The following KIF14 variants were observed in gnomAD, a reference collection of about 807,000 sequenced individuals.
The protein encoded by KIF14 is kinesin family member 14, also known as kinesin-like protein KIF14.
In KIF14, 98 loss-of-function variants were observed where a neutral mutation model predicts 176.2. The ratio of observed to expected loss-of-function variants is 0.56; its 90% CI spans 0.47 to 0.66. The LOEUF is 0.66. KIF14 is among the 30% of genes least tolerant of loss of function. The pLI, the probability that KIF14 is intolerant of heterozygous loss-of-function variation, is 0.00. For missense variants in KIF14, 1,751 were observed against 1,920.4 expected (o/e 0.91, Z 1.65); for synonymous variants, 566 against 632.2 (o/e 0.90, Z 1.57).
At chr1:200,616,457 T>G (rs1270345506) in intron 2 of KIF14, among the ~76,000 whole-genome samples, 1 of 152,168 alleles carries the variant, frequency 6.6e-6, no homozygotes, top group East Asian at 1.9e-4. Context: ...TTCTTGAGGC[T>G]CTATTAGACA....
At chr1:200,603,397 AT>A in intron 9 of KIF14, 56 bp from the exon 10 acceptor site, 1 of 807,694 alleles carries the variant, frequency 1.2e-6, no homozygotes, top group Non-Finnish European at 2.1e-6. Flanking sequence ...CAAGAAATTT[AT>A]TTCACAAAAT....
At chr1:200,614,217 G>T in intron 4 of KIF14, 101 bp downstream of exon 4, 3 of 621,030 alleles carry the variant, frequency 4.8e-6, no homozygotes, top group East Asian at 2.8e-5. Flanking sequence ...AATTAGAACT[G>T]ATCTTCCATT....
In KIF14 at chr1:200,554,637, T is replaced by C. The variant is rs369072541; in HGVS notation, c.4429-31A>G. On this transcript the variant is annotated intron_variant, in intron 28 of 29. Coordinates refer to ENST00000367350, the MANE Select transcript of KIF14 (RefSeq NM_014875.3). ...TAAATAAAGTTAATATTTAAAATAA[T>C]ACATTAACAGGCTCAATGGCAGTAA... 92 of 1,152,928 alleles carry C rather than the reference T, an allele frequency of 8.0e-5. No individual in the cohort carries two copies. The Middle Eastern group carries it at 1.2e-3, about 15-fold the overall frequency. 71.4% of individuals were successfully genotyped at this position (1,152,928 alleles called of 1,614,324 possible). A position where few individuals can be genotyped will look rare whatever the true frequency, so the allele number is the denominator to read the frequency against.
intron 27 of KIF14, among the ~76,000 whole-genome samples, chr1:200,557,364 A>G (rs898915872): frequency 6.6e-6 from 1 of 152,236 alleles, no homozygotes; most frequent in Non-Finnish European, 1.5e-5. Flanking sequence ...GTTGAGAAAA[A>G]GAGAACACGT....
chr1:200,602,952 C>T (rs1170829199), intron 10 of KIF14, among the ~76,000 whole-genome samples: 1 of 152,160 alleles, frequency 6.6e-6, no homozygotes, highest in Non-Finnish European at 1.5e-5. Context: ...AAGAATTGTA[C>T]ACTAATAATC....
chr1:200,593,819 G>A, intron 14 of KIF14, 50 bp from the exon 15 acceptor site: 1 of 1,084,634 alleles, frequency 9.2e-7, no homozygotes, highest in Non-Finnish European at 1.4e-6. Flanking sequence ...ACACTAAAAA[G>A]TAAGAAAAAG....
At chr1:200,556,062 T>A (rs1339254224) in intron 27 of KIF14, among the ~76,000 whole-genome samples, 2 of 152,246 alleles carry the variant, frequency 1.3e-5, no homozygotes, top group Non-Finnish European at 2.9e-5. Context: ...ATTATAGTCC[T>A]ATGCTGCCCA....
chr1:200,567,569 C>T (rs1297910581), intron 23 of KIF14, among the ~76,000 whole-genome samples: 1 of 149,888 alleles, frequency 6.7e-6, no homozygotes, highest in Non-Finnish European at 1.5e-5. Context: ...AACTGATTAT[C>T]TACAGTTAAT....
rs774818592 is a variant in KIF14, at chr1:200,592,151, A to G, written c.2742T>C (p.Asp914=). The part of the protein sequence containing the change: ...VQKGKRPSGR[D]TPISEGPKDF... Reference sequence around the variant, plus strand: ...CTTTTGGACCCTCACTTATAGGAGTATCTCTTCCAGATGGCCTTTTTCCTT... The same window carrying G: ...CTTTTGGACCCTCACTTATAGGAGTGTCTCTTCCAGATGGCCTTTTTCCTT... The change falls in exon 16 of 30, where the codon GAT becomes GAC. Residue 914 remains aspartate (D), a synonymous_variant. Coordinates refer to ENST00000367350, the MANE Select transcript of KIF14 (RefSeq NM_014875.3). The G allele has an allele frequency of 1.1e-5, 17 of 1,613,874 alleles. No individual in the cohort carries two copies. In the South Asian group the frequency reaches 1.8e-4, roughly 17 times the overall value.
rs771991566 is a variant in KIF14 at position 200,598,296 on chromosome 1, A to G, written c.2490T>C (p.Tyr830=). 2 of 1,613,554 alleles carry G rather than the reference A, an allele frequency of 1.2e-6. No homozygotes were observed. Among genetic ancestry groups the G allele is most frequent in the Non-Finnish European group, 1.7e-6 (2 of 1,179,768 alleles). The change falls in exon 14 of 30, where the codon TAT becomes TAC. Residue 830 remains tyrosine, a synonymous_variant. Transcript: ENST00000367350. ...IKEGTTTVGK[Y]KPNSSHDIQL... Reference sequence around the variant, plus strand: ...GAATATCATGGCTTGAGTTTGGTTTATACTTTCCAACTGTAGTTGTTCCTT... The same window carrying G: ...GAATATCATGGCTTGAGTTTGGTTTGTACTTTCCAACTGTAGTTGTTCCTT...
chr1:200,558,604 T>C (rs866693501), intron 27 of KIF14, among the ~76,000 whole-genome samples: 13 of 152,286 alleles, frequency 8.5e-5, no homozygotes, highest in Non-Finnish European at 1.5e-4. Flanking sequence ...TACAAACCCA[T>C]TATAGAAATG....
rs760296546 is a variant in KIF14 at position 200,618,627 on chromosome 1, T to G, written c.97A>C (p.Ser33Arg). The change falls in exon 2 of 30, where the codon AGT (serine) becomes CGT (arginine). Residue 33 changes from serine (S) to arginine (R), a missense_variant. Physicochemically the swap from Ser to Arg is moderately radical, Grantham distance 110. Coordinates refer to ENST00000367350, the MANE Select transcript of KIF14 (RefSeq NM_014875.3). The part of the protein sequence containing the change: ...NSSSLNALTH[S>R]SRLKLHLKSD... Reference sequence around the variant, plus strand: ...TTCAAATGCAGCTTAAGTCGGCTACTGTGGGTGAGGGCATTCAGTGATGAA... The same window carrying G: ...TTCAAATGCAGCTTAAGTCGGCTACGGTGGGTGAGGGCATTCAGTGATGAA... 2 of 1,614,122 alleles carry G rather than the reference T, an allele frequency of 1.2e-6. No individual in the cohort carries two copies. Among genetic ancestry groups the G allele is most frequent in the Non-Finnish European group, 1.7e-6 (2 of 1,180,026 alleles).
At chr1:200,611,318 T>C (rs981014068) in intron 4 of KIF14, among the ~76,000 whole-genome samples, 1 of 152,146 alleles carries the variant, frequency 6.6e-6, no homozygotes, top group African/African-American at 2.4e-5. Context: ...AAATATGAGA[T>C]GAACTGGACA....
intron 19 of KIF14, among the ~76,000 whole-genome samples, chr1:200,584,854 G>T (rs1157303646): frequency 6.6e-6 from 1 of 152,078 alleles, no homozygotes; most frequent in Non-Finnish European, 1.5e-5. Context: ...AACAAAACCA[G>T]CTGGGCAAGA....
chr1:200,611,655 C>T (rs1474533169), intron 4 of KIF14, among the ~76,000 whole-genome samples: 1 of 152,150 alleles, frequency 6.6e-6, no homozygotes, highest in East Asian at 1.9e-4. Context: ...TGGAGAGGTC[C>T]TACTTTTTTC....
intron 21 of KIF14, among the ~76,000 whole-genome samples, chr1:200,576,477 CAAAA>C (rs34294441): frequency 1.3e-4 from 11 of 87,488 alleles, no homozygotes; most frequent in Admixed American, 2.6e-4. Flanking sequence ...GACTCCGTCT[CAAAA>C]AAAAAAAAAA....
chr1:200,581,132 A>AAG (rs1553256823), intron 20 of KIF14, 69 bp downstream of exon 20: 4 of 784,568 alleles, frequency 5.1e-6, no homozygotes, highest in Middle Eastern at 3.9e-4. Flanking sequence ...AAAAAAAAAA[A>AAG]AGAGAAACTA....
intron 23 of KIF14, among the ~76,000 whole-genome samples, chr1:200,566,014 A>C (rs1657427893): frequency 6.6e-6 from 1 of 152,166 alleles, no homozygotes; most frequent in African/African-American, 2.4e-5. Flanking sequence ...ACTTTCAAAC[A>C]AATGTTTTAT....
chr1:200,554,706 G>T, intron 28 of KIF14, 100 bp from the exon 29 acceptor site: 3 of 637,162 alleles, frequency 4.7e-6, no homozygotes, highest in Middle Eastern at 4.4e-4. Flanking sequence ...TTCTCTTTAA[G>T]AAAGAGAGTT....
Sources: allele counts gnomAD v4.1 joint callset (sites outside exome capture counted in the v4.1 genomes callset), GRCh38; gene constraint gnomAD v4.1.1; transcripts MANE v1.5; gene names NCBI Gene and HGNC (gene_info 2026-07-23, HGNC 2026-07-21).